DNAJA1: variants seen among roughly 807,000 people sequenced by gnomAD.
DNAJA1 encodes the protein dnaJ homolog subfamily A member 1.
In DNAJA1, 26 loss-of-function variants were observed where a neutral mutation model predicts 47.6. The ratio of observed to expected loss-of-function variants is 0.55; its 90% confidence interval spans 0.40 to 0.76. DNAJA1 has a LOEUF of 0.76. DNAJA1 is among the 30% of genes least tolerant of loss of function. The probability of loss-of-function intolerance (pLI) is 0.00; values close to 1 mark genes in which losing one functional copy is unlikely to be tolerated. For missense variants in DNAJA1, 315 were observed against 485.0 expected (o/e 0.65, Z 3.29); for synonymous variants, 165 against 158.4 (o/e 1.04, Z -0.31).
chr9:33,032,286 G>A (rs1838973476), intron 5 of DNAJA1, among the ~76,000 whole-genome samples: 1 of 152,238 alleles, frequency 6.6e-6, no homozygotes, highest in Admixed American at 6.5e-5. Flanking sequence ...AAGTTTCCTT[G>A]GCCAGTTGTT....
At chr9:33,026,720 A>G in intron 2 of DNAJA1, 93 bp from the exon 3 acceptor site, 5 of 1,565,448 alleles carry the variant, frequency 3.2e-6, no homozygotes, top group Non-Finnish European at 4.3e-6. Flanking sequence ...AACTATGATC[A>G]CTTCTCGGCC....
At chr9:33,025,867 G>C (rs1055289561) in intron 1 of DNAJA1, among the ~76,000 whole-genome samples, 1 of 152,200 alleles carries the variant, frequency 6.6e-6, no homozygotes, top group Admixed American at 6.5e-5. Flanking sequence ...TGGGTCCAGG[G>C]TGGGAGGGAG....
intron 3 of DNAJA1, among the ~76,000 whole-genome samples, chr9:33,027,805 ACG>A (rs1274473261): frequency 1.3e-5 from 2 of 151,974 alleles, no homozygotes; most frequent in Non-Finnish European, 2.9e-5. Flanking sequence ...AACGGAGGTC[ACG>A]CCACTGCACT....
chr9:33,038,979 G>A lies in DNAJA1; in HGVS notation c.*76G>A. ...GAGTGAAGGACTGTAATCATAATAT[G>A]CTCACTACTTGCTCTTGTTTTTGTT... On this transcript the variant is annotated 3_prime_UTR_variant, in exon 9 of 9. Transcript: ENST00000330899. The A allele has an allele frequency of 7.7e-7, 1 of 1,307,012 alleles. No homozygotes were observed. The highest frequency in any genetic ancestry group is 1.1e-6 in the Non-Finnish European group (1 of 933,158). The allele number at this position is 1,307,012 out of a possible 1,614,324, so 81.0% of individuals were successfully genotyped here.
chr9:33,037,432 A>G, intron 8 of DNAJA1: 1 of 187,452 alleles, frequency 5.3e-6, no homozygotes, highest in Non-Finnish European at 1.1e-5. Context: ...CTATAATCCC[A>G]GTGCTTTGGG....
At chr9:33,029,641 G>T (rs965465192) in intron 3 of DNAJA1, among the ~76,000 whole-genome samples, 48 of 152,182 alleles carry the variant, frequency 3.2e-4, no homozygotes, top group Non-Finnish European at 2.1e-4. Flanking sequence ...TTCCAAGATG[G>T]CCACGTCTGT....
intron 3 of DNAJA1, among the ~76,000 whole-genome samples, chr9:33,028,115 C>G (rs541481534): frequency 2.0e-5 from 3 of 151,220 alleles, no homozygotes; most frequent in Non-Finnish European, 4.4e-5. Context: ...TGTTCCCTCA[C>G]TCCCCAAAGG....
chr9:33,032,657 C>A (rs1490191517), intron 5 of DNAJA1, among the ~76,000 whole-genome samples: 1 of 152,174 alleles, frequency 6.6e-6, no homozygotes, highest in Non-Finnish European at 1.5e-5. Context: ...TCAGGAAAAC[C>A]TAGCTGAGTT....
chr9:33,032,020 C>A (rs891626534), intron 5 of DNAJA1, among the ~76,000 whole-genome samples: 5 of 152,076 alleles, frequency 3.3e-5, no homozygotes. Context: ...TGTATATAAC[C>A]CCAGAAGGAA....
At chr9:33,035,645 T>G (rs571596385) in intron 6 of DNAJA1, among the ~76,000 whole-genome samples, 2 of 151,812 alleles carry the variant, frequency 1.3e-5, no homozygotes, top group African/African-American at 4.8e-5. Context: ...GATTTTTGTA[T>G]TTTTAGTAGA....
At chr9:33,027,016 G>C in intron 3 of DNAJA1, 26 bp downstream of exon 3, 1 of 1,613,356 alleles carries the variant, frequency 6.2e-7, no homozygotes, top group Non-Finnish European at 8.5e-7. Flanking sequence ...TCTTTGTGCA[G>C]CTAACTAAAG....
Position 33,038,885 on chromosome 9 carries a change from T to C in DNAJA1, c.1176T>C (p.Val392=). Residue 392 remains valine (V), a synonymous_variant, in exon 9 of 9, where the codon GTT becomes GTC. Transcript: ENST00000330899. Reference sequence around the variant, plus strand: ...ATGAACATCATCCCAGAGGTGGTGTTCAGTGTCAGACCTCTTAATGGGCCA... The same window carrying C: ...ATGAACATCATCCCAGAGGTGGTGTCCAGTGTCAGACCTCTTAATGGGCCA... ...EDDEHHPRGG[V]QCQTS The C allele has an allele frequency of 6.2e-7, 1 of 1,613,056 alleles. No homozygotes were observed. The highest frequency in any genetic ancestry group is 1.6e-4 in the Middle Eastern group (1 of 6,062).
chr9:33,030,412 C>A (rs752202634), intron 4 of DNAJA1, 28 bp from the exon 5 acceptor site: 13 of 1,582,286 alleles, frequency 8.2e-6, no homozygotes, highest in Non-Finnish European at 1.0e-5. Context: ...CTAATTCATA[C>A]ATTATTTAAT....
In DNAJA1 at chr9:33,038,554, TCTAAC is replaced by T; in HGVS notation, c.976-128_976-124del. ...TGCACTGTGCCTTTTTAGAGCCTGT[TCTAAC>T]CTGAGATTGGCAGATTCACCTAAAT... On this transcript the variant is annotated intron_variant, in intron 8 of 8. Transcript: ENST00000330899. The T allele has an allele frequency of 3.8e-6, 3 of 790,270 alleles. 1 individual carries two copies. The highest frequency in any genetic ancestry group is 3.7e-5 in the South Asian group (2 of 54,750). 49.0% of individuals were successfully genotyped at this position (790,270 alleles called of 1,614,324 possible).
At position 33,034,168 on chromosome 9, in the gene DNAJA1, C is replaced by T. The variant is rs759882870; in HGVS notation, c.644-48C>T. ...TATGTATAGATTTTATGATTCTGAC[C>T]TTAGTTGGATATTTAATAAAAGTAC... On this transcript the variant is annotated intron_variant, in intron 5 of 8. Transcript: ENST00000330899. The T allele has an allele frequency of 2.8e-5, 36 of 1,295,428 alleles. 1 individual carries two copies. In the South Asian group the frequency reaches 3.2e-4, roughly 11 times the overall value. 80.2% of individuals were successfully genotyped at this position (1,295,428 alleles called of 1,614,324 possible). A position where few individuals can be genotyped will look rare whatever the true frequency, so the allele number is the denominator to read the frequency against.
intron 3 of DNAJA1, 44 bp from the exon 4 acceptor site, chr9:33,029,841 C>A: frequency 1.3e-6 from 2 of 1,487,778 alleles, no homozygotes; most frequent in African/African-American, 1.4e-5. Flanking sequence ...CAAATAAGAT[C>A]CAGCATCTTA....
chr9:33,026,641 T>G (rs759714435), intron 2 of DNAJA1, 25 bp downstream of exon 2: 1 of 1,589,582 alleles, frequency 6.3e-7, no homozygotes, highest in Admixed American at 1.9e-5. Flanking sequence ...CTCTTAAACG[T>G]ATCTGAATAG....
At chr9:33,031,468 G>C (rs1213191206) in intron 5 of DNAJA1, among the ~76,000 whole-genome samples, 1 of 151,990 alleles carries the variant, frequency 6.6e-6, no homozygotes, top group Non-Finnish European at 1.5e-5. Context: ...GTCTTGCTCT[G>C]TTGCCCAGGC....
At chr9:33,031,724 C>T (rs979109887) in intron 5 of DNAJA1, among the ~76,000 whole-genome samples, 8 of 152,186 alleles carry the variant, frequency 5.3e-5, no homozygotes, top group Non-Finnish European at 8.8e-5. Context: ...TGCCACCATA[C>T]CTGGCCTGGG....
Sources: gnomAD v4.1 joint callset for allele counts (sites outside exome capture counted in the v4.1 genomes callset) on GRCh38, gnomAD v4.1.1 for gene constraint, MANE v1.5 for transcripts, NCBI Gene and HGNC (gene_info 2026-07-23, HGNC 2026-07-21) for gene names.